The following TMEFF2 variants were observed in gnomAD, a reference collection of about 807,000 sequenced individuals.
TMEFF2 encodes the protein tomoregulin-2.
In TMEFF2, 28 loss-of-function variants were observed where a neutral mutation model predicts 53.8. The ratio of observed to expected loss-of-function variants is 0.52; its 90% CI spans 0.39 to 0.71. The LOEUF is 0.71. TMEFF2 is among the 30% of genes least tolerant of loss of function. The pLI is 0.00. For synonymous variants in TMEFF2, 162 were observed against 166.3 expected (o/e 0.97, Z 0.20); for missense variants, 353 against 455.2 (o/e 0.78, Z 2.04).
At chr2:192,042,510 A>G (rs549172537) in intron 5 of TMEFF2, among the ~76,000 whole-genome samples, 233 of 152,328 alleles carry the variant, frequency 1.5e-3, no homozygotes, top group Middle Eastern at 6.8e-3. Flanking sequence ...CTACACTCCA[A>G]AAGAACTACC....
intron 4 of TMEFF2, among the ~76,000 whole-genome samples, chr2:192,058,460 A>C (rs530234035): frequency 1.6e-4 from 25 of 152,278 alleles, no homozygotes; most frequent in African/African-American, 5.5e-4. Context: ...CTGTTTAGTC[A>C]CTGATAATGA....
chr2:192,021,904 G>A (rs1686868902), intron 5 of TMEFF2: 1 of 152,218 alleles, frequency 6.6e-6, no homozygotes, highest in Non-Finnish European at 1.5e-5. Context: ...AGTTGCCATT[G>A]TTCCATTGTT....
intron 4 of TMEFF2, among the ~76,000 whole-genome samples, chr2:192,152,109 C>A (rs1690402420): frequency 6.6e-6 from 1 of 151,788 alleles, no homozygotes; most frequent in Non-Finnish European, 1.5e-5. Context: ...TCATGCATAA[C>A]CAAGAGCTGA....
At chr2:192,187,396 C>T (rs558466317) in intron 2 of TMEFF2, among the ~76,000 whole-genome samples, 3 of 152,266 alleles carry the variant, frequency 2.0e-5, no homozygotes, top group African/African-American at 7.2e-5. Flanking sequence ...GTAGAGTTAT[C>T]ATCTAACTCT....
chr2:192,162,981 T>A (rs1167530451), intron 4 of TMEFF2, among the ~76,000 whole-genome samples: 3 of 152,176 alleles, frequency 2.0e-5, no homozygotes, highest in Non-Finnish European at 4.4e-5. Context: ...TATATATTGA[T>A]AATAAGATTT....
At chr2:192,149,773 T>C (rs1037964313) in intron 4 of TMEFF2, among the ~76,000 whole-genome samples, 1 of 151,848 alleles carries the variant, frequency 6.6e-6, no homozygotes, top group Admixed American at 6.6e-5. Context: ...GACAGAAGAG[T>C]GTAATAAGAA....
At chr2:192,026,976 A>G (rs1686984943) in intron 5 of TMEFF2, among the ~76,000 whole-genome samples, 1 of 152,240 alleles carries the variant, frequency 6.6e-6, no homozygotes, top group African/African-American at 2.4e-5. Flanking sequence ...AAAAATATAA[A>G]TGCCAATGGA....
chr2:192,068,078 G>T (rs1354921150), intron 4 of TMEFF2, among the ~76,000 whole-genome samples: 2 of 151,856 alleles, frequency 1.3e-5, no homozygotes, highest in Admixed American at 6.6e-5. Flanking sequence ...GTAGAGTTGG[G>T]TTGCCCAGAT....
chr2:191,987,016 A>G (rs1685994368), intron 7 of TMEFF2, among the ~76,000 whole-genome samples: 1 of 152,100 alleles, frequency 6.6e-6, no homozygotes, highest in Admixed American at 6.6e-5. Context: ...CCTAACTTCT[A>G]GACCTCATCT....
chr2:191,994,497 A>T (rs911346228), intron 7 of TMEFF2, among the ~76,000 whole-genome samples: 1 of 151,680 alleles, frequency 6.6e-6, no homozygotes, highest in Non-Finnish European at 1.5e-5. Context: ...GAAAATATAC[A>T]TATATATACT....
intron 4 of TMEFF2, among the ~76,000 whole-genome samples, chr2:192,070,269 G>A (rs1001094612): frequency 1.3e-5 from 2 of 151,512 alleles, no homozygotes; most frequent in Admixed American, 6.6e-5. Context: ...AATGTCAAAG[G>A]ATCCGTCTGA....
chr2:192,159,616 T>C lies in TMEFF2; in HGVS notation c.439+20052A>G, dbSNP rs1465788742. Among the ~76,000 whole-genome samples, 4 of 152,200 alleles carry C rather than the reference T, an allele frequency of 2.6e-5. No homozygotes were observed. The East Asian group carries it at 7.7e-4, about 29-fold the overall frequency. On this transcript the variant is annotated intron_variant, in intron 4 of 9. Transcript: ENST00000272771. ...AATTTGGTAATACAAAAAACTGTCA[T>C]AGTAGTCCCTTTGAGCAATGGCTTA... is the stretch of plus-strand genomic sequence containing the variant.
intron 4 of TMEFF2, among the ~76,000 whole-genome samples, chr2:192,084,079 T>TTGTATC (rs2105928176): frequency 6.6e-6 from 1 of 152,256 alleles, no homozygotes; most frequent in East Asian, 1.9e-4. Context: ...TCATCCCTTC[T>TTGTATC]TGTATCTGGG....
rs116552897 is a variant in TMEFF2 at position 192,108,913 on chromosome 2, T to A, written c.440-51138A>T. ...TTTATGTTACAACATTAATGAAACA[T>A]GCCAAGCAAAATAAGCCAGACACAA... is the stretch of plus-strand genomic sequence containing the variant. On this transcript the variant is annotated intron_variant, in intron 4 of 9. Transcript: ENST00000272771. Among the ~76,000 whole-genome samples, 683 of 152,128 alleles carry A rather than the reference T, an allele frequency of 4.5e-3. 2 individuals are homozygous for A. The highest frequency in any genetic ancestry group is 0.015 in the African/African-American group (627 of 41,552).
chr2:192,066,930 AT>A (rs1363192254), intron 4 of TMEFF2, among the ~76,000 whole-genome samples: 1 of 151,772 alleles, frequency 6.6e-6, no homozygotes, highest in Non-Finnish European at 1.5e-5. Context: ...ATGGTTTTTA[AT>A]TTTTTCCTTA....
chr2:192,039,324 T>C (rs912282106), intron 5 of TMEFF2, among the ~76,000 whole-genome samples: 27 of 152,360 alleles, frequency 1.8e-4, no homozygotes, highest in African/African-American at 5.8e-4. Context: ...TAAGTAAATT[T>C]ATCTCAAAGT....
At chr2:191,992,805 T>C (rs1185617233) in intron 7 of TMEFF2, 1 of 152,124 alleles carries the variant, frequency 6.6e-6, no homozygotes, top group Non-Finnish European at 1.5e-5. Context: ...TATAGGATGC[T>C]TAGAATATAT....
Position 191,956,399 on chromosome 2 carries a change from A to G in TMEFF2, c.746-21T>C, listed in dbSNP as rs1244116463. 6 of 1,608,672 alleles carry G rather than the reference A, an allele frequency of 3.7e-6. No homozygotes were observed. In the African/African-American group the frequency reaches 8.0e-5, roughly 22 times the overall value. ...ATTCTCTGTGAATACAGATAAAAGT[A>G]AGCACCCCCTGTAAATACTTAGCCT... On this transcript the variant is annotated intron_variant, in intron 7 of 9. Coordinates refer to ENST00000272771, the MANE Select transcript of TMEFF2 (RefSeq NM_016192.4).
rs907164574 is a variant in TMEFF2, at chr2:191,949,063, G to C, written c.*1248C>G. On this transcript the variant is annotated 3_prime_UTR_variant, in exon 10 of 10. Transcript: ENST00000272771. Reference sequence around the variant, plus strand: ...ACAGGTTATTTGAAGGAGACAAAGAGAGCTTTATTTAAATTTACTGTGTTA... The same window carrying C: ...ACAGGTTATTTGAAGGAGACAAAGACAGCTTTATTTAAATTTACTGTGTTA... The C allele has an allele frequency of 1.0e-6, 1 of 984,410 alleles. No homozygotes were observed. The highest frequency in any genetic ancestry group is 1.1e-4 in the East Asian group (1 of 8,818). 61.0% of individuals were successfully genotyped at this position (984,410 alleles called of 1,614,324 possible).
Sources: gnomAD v4.1 joint callset for allele counts (sites outside exome capture counted in the v4.1 genomes callset) on GRCh38, gnomAD v4.1.1 for gene constraint, MANE v1.5 for transcripts, NCBI Gene and HGNC (gene_info 2026-07-23, HGNC 2026-07-21) for gene names.